Variants in CNTNAP2 observed in about 807,000 individuals in gnomAD.
CNTNAP2 encodes the protein contactin-associated protein-like 2.
Under a neutral mutation model 155.2 loss-of-function variants are expected in CNTNAP2, and 98 were observed. The ratio of observed to expected loss-of-function variants is 0.63; its 90% CI spans 0.54 to 0.75. CNTNAP2 has a LOEUF of 0.75. Among genes scored for constraint, CNTNAP2 ranks in the 30% least tolerant of loss-of-function variants. The pLI, the probability that CNTNAP2 is intolerant of heterozygous loss-of-function variation, is 0.00. For synonymous variants in CNTNAP2, 651 were observed against 631.2 expected (o/e 1.03, Z -0.47); for missense variants, 1,727 against 1,688.1 (o/e 1.02, Z -0.40).
At chr7:147,058,503 T>C (rs1035068847) in intron 4 of CNTNAP2, among the ~76,000 whole-genome samples, 2 of 152,236 alleles carry the variant, frequency 1.3e-5, no homozygotes, top group African/African-American at 4.8e-5. Context: ...ATAAATAGCA[T>C]AAAGGCTGAT....
intron 11 of CNTNAP2, among the ~76,000 whole-genome samples, chr7:147,515,895 A>G (rs1045124620): frequency 6.6e-6 from 1 of 152,212 alleles, no homozygotes; most frequent in African/African-American, 2.4e-5. Context: ...GATTCAGTAG[A>G]TTTTTCAGTT....
chr7:147,584,170 G>C (rs1057486702), intron 12 of CNTNAP2, among the ~76,000 whole-genome samples: 1 of 152,182 alleles, frequency 6.6e-6, no homozygotes, highest in African/African-American at 2.4e-5. Context: ...TCCTTTTCAA[G>C]TATGCACAAA....
chr7:147,976,079 A>C (rs751102183), intron 14 of CNTNAP2, among the ~76,000 whole-genome samples: 1 of 152,214 alleles, frequency 6.6e-6, no homozygotes, highest in Non-Finnish European at 1.5e-5. Context: ...TGAATTTTAT[A>C]GCATCACAAA....
intron 1 of CNTNAP2, among the ~76,000 whole-genome samples, chr7:146,649,673 C>T (rs1051528116): frequency 2.0e-5 from 3 of 152,020 alleles, no homozygotes; most frequent in African/African-American, 7.2e-5. Context: ...GGAAATGGGT[C>T]CTTTAATTCT....
chr7:146,301,452 A>G (rs202026091), intron 1 of CNTNAP2, among the ~76,000 whole-genome samples: 4 of 151,446 alleles, frequency 2.6e-5, no homozygotes, highest in Non-Finnish European at 4.4e-5. Context: ...GTGAAACCCC[A>G]TCTCTACTAA....
chr7:147,175,263 T>TTTA (rs1802317045), intron 8 of CNTNAP2, among the ~76,000 whole-genome samples: 1 of 23,250 alleles, frequency 4.3e-5, no homozygotes, highest in Non-Finnish European at 8.3e-5. Context: ...CCTTCTGCTC[T>TTTA]TTTTTTGTAA....
chr7:147,894,021 T>G (rs951239773), intron 13 of CNTNAP2: 34 of 152,206 alleles, frequency 2.2e-4, no homozygotes, highest in African/African-American at 7.7e-4. Flanking sequence ...ATTACAGCTA[T>G]CAGATGATTT....
intron 8 of CNTNAP2, among the ~76,000 whole-genome samples, chr7:147,260,102 A>T (rs1399933048): frequency 1.3e-5 from 2 of 152,200 alleles, no homozygotes; most frequent in Non-Finnish European, 2.9e-5. Context: ...TATGGAAGAG[A>T]TCAAGGACGA....
At chr7:146,524,145 A>G (rs949039973) in intron 1 of CNTNAP2, among the ~76,000 whole-genome samples, 1 of 152,118 alleles carries the variant, frequency 6.6e-6, no homozygotes, top group East Asian at 1.9e-4. Context: ...CCTAGTTGAA[A>G]CATAGACTCA....
chr7:146,336,102 G>C (rs1214819644), intron 1 of CNTNAP2, among the ~76,000 whole-genome samples: 1 of 151,734 alleles, frequency 6.6e-6, no homozygotes, highest in Non-Finnish European at 1.5e-5. Flanking sequence ...GGGAGGATGA[G>C]GCAGGAGAAT....
rs1211892575 is a variant in CNTNAP2 at position 147,865,407 on chromosome 7, G to T, written c.2099-38158G>T. Among the ~76,000 whole-genome samples the T allele has an allele frequency of 6.6e-5, 10 of 152,212 alleles. No homozygotes were observed. The South Asian group carries it at 8.3e-4, about 13-fold the overall frequency. On this transcript the variant is annotated intron_variant, in intron 13 of 23. Transcript: ENST00000361727. ...AATTCTCTTTTTTTGTTGTCTCTCT[G>T]CCAGCCTTCGGTATCAGGATCATGT...
In CNTNAP2 at chr7:147,639,091, T is replaced by G. The variant is rs1259480439; in HGVS notation, c.1898-15T>G. ...TACTAATGATCCAGGGTCCTGGTTGTTTTTCTCCCCACAGAGGACAAAGTG... is the reference window on the plus strand; with the variant it reads ...TACTAATGATCCAGGGTCCTGGTTGGTTTTCTCCCCACAGAGGACAAAGTG... On this transcript the variant is annotated splice_polypyrimidine_tract_variant and intron_variant, in intron 12 of 23. Transcript: ENST00000361727. 2.5e-6 allele frequency: 4 copies of G among 1,613,676 alleles called. No homozygotes were observed. In the African/African-American group the frequency reaches 4.0e-5, roughly 16 times the overall value.
chr7:148,023,197 G>C (rs1802316025), intron 15 of CNTNAP2, among the ~76,000 whole-genome samples: 1 of 152,070 alleles, frequency 6.6e-6, no homozygotes. Context: ...AAGCAAAAAG[G>C]GGAGACAAAT....
chr7:146,798,988 T>G (rs1802820839), intron 2 of CNTNAP2, among the ~76,000 whole-genome samples: 1 of 152,216 alleles, frequency 6.6e-6, no homozygotes, highest in African/African-American at 2.4e-5. Flanking sequence ...ATAAATATCC[T>G]CTTTCATACA....
At chr7:147,334,655 C>T (rs826795) in intron 9 of CNTNAP2, among the ~76,000 whole-genome samples, 1 of 152,020 alleles carries the variant, frequency 6.6e-6, no homozygotes, top group Non-Finnish European at 1.5e-5. Flanking sequence ...TAGCAGAGCA[C>T]GGAAGCTGAG....
At chr7:146,847,672 T>C (rs938983178) in intron 3 of CNTNAP2, among the ~76,000 whole-genome samples, 1 of 152,180 alleles carries the variant, frequency 6.6e-6, no homozygotes, top group Non-Finnish European at 1.5e-5. Context: ...TCTATTAGTG[T>C]ATTGGTGTGT....
intron 4 of CNTNAP2, among the ~76,000 whole-genome samples, chr7:147,074,996 A>G (rs570437914): frequency 6.6e-5 from 10 of 152,344 alleles, no homozygotes; most frequent in Middle Eastern, 6.8e-3. Flanking sequence ...AGATTAAGAT[A>G]TAAGTGTCTG....
chr7:146,825,086 G>A (rs1404985608), intron 2 of CNTNAP2, among the ~76,000 whole-genome samples: 1 of 151,990 alleles, frequency 6.6e-6, no homozygotes, highest in Non-Finnish European at 1.5e-5. Flanking sequence ...GTGTGTGTGT[G>A]TACTTATCCT....
intron 3 of CNTNAP2, among the ~76,000 whole-genome samples, chr7:146,942,485 CAG>C (rs1563013653): frequency 6.6e-6 from 1 of 151,958 alleles, no homozygotes; most frequent in East Asian, 1.9e-4. Flanking sequence ...GGCTGAAAAA[CAG>C]AAAATGTTTC....
Sources: allele counts gnomAD v4.1 joint callset (sites outside exome capture counted in the v4.1 genomes callset), GRCh38; gene constraint gnomAD v4.1.1; transcripts MANE v1.5; gene names NCBI Gene and HGNC (gene_info 2026-07-23, HGNC 2026-07-21).